Variants in SGCZ observed in about 807,000 individuals in gnomAD.
SGCZ encodes the protein sarcoglycan zeta, also known as zeta-sarcoglycan.
Under a neutral mutation model 41.3 loss-of-function variants are expected in SGCZ, and 40 were observed. That is an observed-to-expected ratio of 0.97 (90% CI 0.75 to 1.26). SGCZ has a LOEUF of 1.26. SGCZ is among the 50% of genes most tolerant of loss of function. SGCZ has a pLI of 0.00. For missense variants in SGCZ, 552 were observed against 369.8 expected (o/e 1.49, Z -4.04); for synonymous variants, 206 against 137.5 (o/e 1.50, Z -3.49).
At chr8:15,209,218 CT>C (rs776693230) in intron 1 of SGCZ, among the ~76,000 whole-genome samples, 2 of 152,024 alleles carry the variant, frequency 1.3e-5, no homozygotes, top group Non-Finnish European at 2.9e-5. Flanking sequence ...GTCTTATGTA[CT>C]TAGCTAGACT....
intron 1 of SGCZ, among the ~76,000 whole-genome samples, chr8:14,580,347 G>C: frequency 6.6e-6 from 1 of 152,148 alleles, no homozygotes; most frequent in Non-Finnish European, 1.5e-5. Flanking sequence ...TAAGTTTCAA[G>C]AAACCATTTT....
intron 1 of SGCZ, among the ~76,000 whole-genome samples, chr8:15,100,770 C>A (rs1212824658): frequency 3.3e-5 from 5 of 152,046 alleles, no homozygotes; most frequent in African/African-American, 1.2e-4. Context: ...ATCACTTAAC[C>A]CCAGAAATTC....
rs115523862 is a variant in SGCZ, at chr8:14,967,310, G to C, written c.39+270275C>G. Among the ~76,000 whole-genome samples, 288 of 152,214 alleles carry C rather than the reference G, an allele frequency of 1.9e-3. 2 individuals are homozygous for C. The highest frequency in any genetic ancestry group is 6.7e-3 in the African/African-American group (279 of 41,538). On this transcript the variant is annotated intron_variant, in intron 1 of 7. Transcript: ENST00000382080. ...CCAGTTTCAAGTGCAAAGGGATAGC[G>C]CTTCTAACTGGCGCTCCATCTCTGG...
At chr8:14,114,586 A>G (rs186541135) in intron 5 of SGCZ, among the ~76,000 whole-genome samples, 18 of 152,146 alleles carry the variant, frequency 1.2e-4, no homozygotes, top group Non-Finnish European at 1.5e-4. Flanking sequence ...TGGATGCCAA[A>G]TAATATCCTC....
At chr8:15,213,901 G>T (rs1371330781) in intron 1 of SGCZ, among the ~76,000 whole-genome samples, 3 of 151,992 alleles carry the variant, frequency 2.0e-5, no homozygotes, top group Non-Finnish European at 2.9e-5. Flanking sequence ...AAGCTTTGCA[G>T]CTATGAATAG....
intron 2 of SGCZ, among the ~76,000 whole-genome samples, chr8:14,461,376 T>A (rs1025140238): frequency 4.6e-5 from 7 of 152,166 alleles, no homozygotes; most frequent in African/African-American, 1.7e-4. Flanking sequence ...CATTGCAATA[T>A]CCCCAATGTC....
intron 2 of SGCZ, among the ~76,000 whole-genome samples, chr8:14,454,728 T>C (rs907326780): frequency 2.0e-5 from 3 of 152,174 alleles, no homozygotes; most frequent in Non-Finnish European, 4.4e-5. Context: ...AGAAGACTCA[T>C]GTGCAAATGT....
intron 3 of SGCZ, among the ~76,000 whole-genome samples, chr8:14,295,463 T>A (rs1800976112): frequency 6.6e-6 from 1 of 152,170 alleles, no homozygotes; most frequent in African/African-American, 2.4e-5. Flanking sequence ...AATCTGTCCA[T>A]AATCATTCCT....
intron 4 of SGCZ, among the ~76,000 whole-genome samples, chr8:14,229,280 T>C (rs1172976132): frequency 6.6e-6 from 1 of 152,076 alleles, no homozygotes; most frequent in African/African-American, 2.4e-5. Context: ...AAAAATAATA[T>C]AAATACTCCT....
chr8:14,789,065 A>T (rs1800866666), intron 1 of SGCZ, among the ~76,000 whole-genome samples: 1 of 152,104 alleles, frequency 6.6e-6, no homozygotes, highest in African/African-American at 2.4e-5. Flanking sequence ...ACAGCCAACA[A>T]CCCTGCGCCT....
intron 1 of SGCZ, chr8:14,690,379 G>A (rs977023994): frequency 2.0e-5 from 3 of 151,982 alleles, no homozygotes; most frequent in African/African-American, 7.3e-5. Context: ...CCAGCCAGGA[G>A]GTCTCAGGCT....
intron 2 of SGCZ, among the ~76,000 whole-genome samples, chr8:14,439,233 T>C (rs1476666409): frequency 1.3e-5 from 2 of 151,470 alleles, no homozygotes; most frequent in Non-Finnish European, 2.9e-5. Flanking sequence ...TAGGACTTTT[T>C]ATTATATTTT....
chr8:14,581,388 T>G (rs77200709), intron 1 of SGCZ, among the ~76,000 whole-genome samples: 1 of 152,030 alleles, frequency 6.6e-6, no homozygotes, highest in Non-Finnish European at 1.5e-5. Context: ...AATACAGGCA[T>G]GAGCCATGAG....
At chr8:14,938,022 C>A (rs896552969) in intron 1 of SGCZ, among the ~76,000 whole-genome samples, 5 of 152,062 alleles carry the variant, frequency 3.3e-5, no homozygotes, top group Non-Finnish European at 7.4e-5. Context: ...TATGAACATT[C>A]AAAATTCACT....
At chr8:15,149,101 T>C (rs1240230407) in intron 1 of SGCZ, among the ~76,000 whole-genome samples, 1 of 152,184 alleles carries the variant, frequency 6.6e-6, no homozygotes, top group African/African-American at 2.4e-5. Context: ...GTTTTGAAGA[T>C]GCAATCACCG....
At chr8:14,569,578 T>G (rs1307858233) in intron 1 of SGCZ, among the ~76,000 whole-genome samples, 2 of 152,204 alleles carry the variant, frequency 1.3e-5, no homozygotes, top group Non-Finnish European at 2.9e-5. Context: ...CAAAAATCCC[T>G]GTCATCATGG....
intron 1 of SGCZ, among the ~76,000 whole-genome samples, chr8:14,865,260 C>T (rs149499761): frequency 9.5e-4 from 145 of 152,154 alleles, no homozygotes; most frequent in African/African-American, 3.1e-3. Context: ...GCCCCTTACT[C>T]TCATATTCCA....
intron 5 of SGCZ, among the ~76,000 whole-genome samples, chr8:14,117,857 C>T (rs1038120559): frequency 3.3e-5 from 5 of 150,098 alleles, no homozygotes; most frequent in Non-Finnish European, 7.4e-5. Context: ...TTCTTGTGTT[C>T]GTTTGCTGAG....
intron 3 of SGCZ, among the ~76,000 whole-genome samples, chr8:14,288,189 T>G (rs184458035): frequency 4.3e-4 from 65 of 152,212 alleles, no homozygotes; most frequent in African/African-American, 1.5e-3. Flanking sequence ...ATACTCTTAC[T>G]TTTTCAGTGT....
Sources: allele counts gnomAD v4.1 joint callset (sites outside exome capture counted in the v4.1 genomes callset), GRCh38; gene constraint gnomAD v4.1.1; transcripts MANE v1.5; gene names NCBI Gene and HGNC (gene_info 2026-07-23, HGNC 2026-07-21).